Variants in FNBP1 observed in about 807,000 individuals in gnomAD.
The protein encoded by FNBP1 is formin binding protein 1, also known as formin-binding protein 1.
FNBP1 carries 26 observed loss-of-function variants against 90.6 expected under a neutral mutation model. The ratio of observed to expected loss-of-function variants is 0.29; its 90% confidence interval spans 0.21 to 0.40. FNBP1 has a LOEUF of 0.40. FNBP1 is among the 10% of genes least tolerant of loss of function. The pLI, the probability that FNBP1 is intolerant of heterozygous loss-of-function variation, is 1.00. For missense variants in FNBP1, 635 were observed against 768.0 expected (o/e 0.83, Z 2.05); for synonymous variants, 260 against 265.2 (o/e 0.98, Z 0.19).
At chr9:130,046,748 C>A (rs1470294754), upstream of FNBP1, among the ~76,000 whole-genome samples, 1 of 141,030 alleles carries the variant, frequency 7.1e-6, no homozygotes, top group Admixed American at 7.5e-5. Flanking sequence ...AGCCACTGTA[C>A]TCCGGCAACA....
At chr9:130,004,570 C>A (rs1055269451) in intron 1 of FNBP1, among the ~76,000 whole-genome samples, 1 of 152,168 alleles carries the variant, frequency 6.6e-6, no homozygotes, top group African/African-American at 2.4e-5. Flanking sequence ...AGAAGCAGGA[C>A]TTAAATGGCT....
At chr9:129,996,741 C>A (rs985237146) in intron 1 of FNBP1, among the ~76,000 whole-genome samples, 1 of 152,108 alleles carries the variant, frequency 6.6e-6, no homozygotes, top group African/African-American at 2.4e-5. Flanking sequence ...GCTCTTTCCC[C>A]CAGGCTGGAG....
chr9:130,004,711 A>G (rs1422715877), intron 1 of FNBP1, among the ~76,000 whole-genome samples: 1 of 152,196 alleles, frequency 6.6e-6, no homozygotes, highest in South Asian at 2.1e-4. Flanking sequence ...AAATGTTTTA[A>G]AAAATCAATT....
intron 1 of FNBP1, among the ~76,000 whole-genome samples, chr9:130,020,022 G>T (rs929932231): frequency 6.6e-6 from 1 of 152,120 alleles, no homozygotes; most frequent in African/African-American, 2.4e-5. Context: ...ACAGAATGAT[G>T]TTTAATCACA....
At chr9:130,026,365 G>A (rs572903145) in intron 1 of FNBP1, among the ~76,000 whole-genome samples, 1 of 151,886 alleles carries the variant, frequency 6.6e-6, no homozygotes, top group South Asian at 2.1e-4. Flanking sequence ...AGGGTGGCAT[G>A]CGCCTATAGT....
At chr9:129,899,187 C>T (rs893961154) in intron 15 of FNBP1, among the ~76,000 whole-genome samples, 1 of 151,762 alleles carries the variant, frequency 6.6e-6, no homozygotes, top group Non-Finnish European at 1.5e-5. Flanking sequence ...AAGTGATTCT[C>T]GTGCCTCAGC....
At chr9:130,045,910 A>C (rs74665919), upstream of FNBP1, among the ~76,000 whole-genome samples, 1,387 of 152,276 alleles carry the variant, frequency 9.1e-3, 13 homozygotes, top group Non-Finnish European at 0.015. Flanking sequence ...TTAACAAACT[A>C]CTGTGACCTG....
chr9:130,009,531 A>C (rs2056258921), intron 1 of FNBP1, among the ~76,000 whole-genome samples: 1 of 152,064 alleles, frequency 6.6e-6, no homozygotes, highest in Non-Finnish European at 1.5e-5. Flanking sequence ...GGCTGGGCAC[A>C]ATGACTCACG....
chr9:129,958,174 G>C (rs2047226033), intron 5 of FNBP1, among the ~76,000 whole-genome samples: 1 of 152,194 alleles, frequency 6.6e-6, no homozygotes, highest in Non-Finnish European at 1.5e-5. Context: ...GCTCACGCCT[G>C]TAATCCCAGA....
At chr9:129,910,428 G>A (rs2039025431) in intron 11 of FNBP1, among the ~76,000 whole-genome samples, 1 of 128,758 alleles carries the variant, frequency 7.8e-6, no homozygotes, top group Non-Finnish European at 1.5e-5. Context: ...GTTGTAGTGA[G>A]CCGAGATCGT....
chr9:129,986,060 C>A (rs1272591702), intron 2 of FNBP1, among the ~76,000 whole-genome samples: 1 of 150,572 alleles, frequency 6.6e-6, no homozygotes, highest in Admixed American at 6.6e-5. Context: ...TGCTTGAACC[C>A]GGGAGGCTGA....
intron 11 of FNBP1, among the ~76,000 whole-genome samples, chr9:129,909,296 T>C (rs1293051529): frequency 1.3e-5 from 2 of 152,234 alleles, no homozygotes; most frequent in Non-Finnish European, 2.9e-5. Flanking sequence ...GGAGAATCCA[T>C]GAAAAACACA....
At chr9:130,048,088 G>C (rs2060070571), upstream of FNBP1, among the ~76,000 whole-genome samples, 1 of 151,804 alleles carries the variant, frequency 6.6e-6, no homozygotes, top group Admixed American at 6.6e-5. Context: ...AGGAGGCCGA[G>C]GCAGGCGGAT....
intron 1 of FNBP1, among the ~76,000 whole-genome samples, chr9:130,032,023 A>C (rs1416902716): frequency 6.6e-6 from 1 of 152,134 alleles, no homozygotes; most frequent in Non-Finnish European, 1.5e-5. Flanking sequence ...AACACTGAGC[A>C]CTACCACCAC....
chr9:129,943,999 A>AAAAAAAC (rs2044773175), intron 6 of FNBP1, among the ~76,000 whole-genome samples: 1 of 150,108 alleles, frequency 6.7e-6, no homozygotes, highest in African/African-American at 2.4e-5. Context: ...TCTCAAAAAA[A>AAAAAAAC]AAAAAAAAAA....
Position 130,043,144 on chromosome 9 carries a change from CT to C in FNBP1, c.-170del. On this transcript the variant is annotated 5_prime_UTR_variant, in exon 1 of 17. Transcript: ENST00000446176. ...CCCGGGGTCTCCTCGGCGGCTCCTC[CT>C]CCCCGCCGCTCCACAGCAAAATGGC... 1 of 447,970 alleles carries C rather than the reference CT, an allele frequency of 2.2e-6. No homozygotes were observed. The highest frequency in any genetic ancestry group is 3.6e-6 in the Non-Finnish European group (1 of 275,780). The allele number at this position is 447,970 out of a possible 1,614,324, so 27.7% of individuals were successfully genotyped here.
intron 1 of FNBP1, among the ~76,000 whole-genome samples, chr9:130,025,589 T>C (rs1193236696): frequency 6.6e-6 from 1 of 152,100 alleles, no homozygotes; most frequent in African/African-American, 2.4e-5. Flanking sequence ...ACAATACCCC[T>C]AATAAAAAAG....
At chr9:129,943,731 G>A (rs914264526) in intron 6 of FNBP1, among the ~76,000 whole-genome samples, 3 of 151,928 alleles carry the variant, frequency 2.0e-5, no homozygotes, top group Admixed American at 6.6e-5. Flanking sequence ...GGTAGCTGAC[G>A]CCTGTAATCC....
At chr9:129,967,516 A>G (rs1227486438) in intron 4 of FNBP1, among the ~76,000 whole-genome samples, 7 of 148,538 alleles carry the variant, frequency 4.7e-5, no homozygotes, top group Admixed American at 1.4e-4. Flanking sequence ...TCCGTCTCAG[A>G]AAAAAAAAAA....
Sources: allele counts gnomAD v4.1 joint callset (sites outside exome capture counted in the v4.1 genomes callset), GRCh38; gene constraint gnomAD v4.1.1; transcripts MANE v1.5; gene names NCBI Gene and HGNC (gene_info 2026-07-23, HGNC 2026-07-21).